The following CPEB1 variants were observed in gnomAD, a reference collection of about 807,000 sequenced individuals.
The protein encoded by CPEB1 is cytoplasmic polyadenylation element-binding protein 1.
Under a neutral mutation model 65.8 loss-of-function variants are expected in CPEB1, and 7 were observed. The observed-to-expected ratio is 0.11, with a 90% CI of 0.06 to 0.20. CPEB1 has a LOEUF of 0.20. Among genes scored for constraint, CPEB1 ranks in the 10% least tolerant of loss-of-function variants. The pLI is 1.00. For synonymous variants in CPEB1, 262 were observed against 260.0 expected (o/e 1.01, Z -0.08); for missense variants, 551 against 712.2 (o/e 0.77, Z 2.58).
rs964516671 is a variant in CPEB1 at position 82,552,414 on chromosome 15, A to G, written c.1281+66T>C. 6.1e-6 allele frequency: 9 copies of G among 1,471,778 alleles called. No individual in the cohort carries two copies. The Admixed American group carries it at 2.0e-4, about 33-fold the overall frequency. 91.2% of individuals were successfully genotyped at this position (1,471,778 alleles called of 1,614,324 possible). On this transcript the variant is annotated intron_variant, in intron 9 of 12. Coordinates refer to ENST00000684509, the MANE Select transcript of CPEB1 (RefSeq NM_001365242.1). Reference sequence around the variant, plus strand: ...CCTGCAGCCTGCCTATCCACCTACCACAAGAAAATCCAGTGCCTCAATATT... The same window carrying G: ...CCTGCAGCCTGCCTATCCACCTACCGCAAGAAAATCCAGTGCCTCAATATT...
chr15:82,600,432 C>T (rs889825527), intron 3 of CPEB1, among the ~76,000 whole-genome samples: 14 of 151,792 alleles, frequency 9.2e-5, no homozygotes, highest in Admixed American at 8.5e-4. Flanking sequence ...AAAGTGAACC[C>T]ACATGGAAGA....
At chr15:82,603,095 C>A (rs2043261689) in intron 3 of CPEB1, among the ~76,000 whole-genome samples, 1 of 151,928 alleles carries the variant, frequency 6.6e-6, no homozygotes, top group Non-Finnish European at 1.5e-5. Flanking sequence ...TCTTTGTGGC[C>A]TTTTAATTTG....
chr15:82,593,924 T>TTAA (rs1567208081), intron 3 of CPEB1, among the ~76,000 whole-genome samples: 1 of 152,182 alleles, frequency 6.6e-6, no homozygotes, highest in Non-Finnish European at 1.5e-5. Flanking sequence ...ACAGTGGGCT[T>TTAA]TAAACATTCA....
chr15:82,641,264 T>C (rs1292924363), intron 1 of CPEB1, among the ~76,000 whole-genome samples: 2 of 151,450 alleles, frequency 1.3e-5, no homozygotes, highest in East Asian at 1.9e-4. Flanking sequence ...ACAAAAAGCC[T>C]CAGGAGAAAG....
chr15:82,617,404 G>C (rs1195453313), intron 3 of CPEB1, among the ~76,000 whole-genome samples: 1 of 152,150 alleles, frequency 6.6e-6, no homozygotes, highest in Admixed American at 6.5e-5. Context: ...TCTCTTGAGT[G>C]TGACCAACAC....
At chr15:82,629,518 A>G (rs1174951692) in intron 1 of CPEB1, 1 of 985,298 alleles carries the variant, frequency 1.0e-6, no homozygotes, top group Non-Finnish European at 1.2e-6. Context: ...TATCTCGGTA[A>G]ATAACACCAC....
At chr15:82,565,647 G>A (rs1262801365) in intron 4 of CPEB1, among the ~76,000 whole-genome samples, 1 of 152,166 alleles carries the variant, frequency 6.6e-6, no homozygotes, top group Non-Finnish European at 1.5e-5. Context: ...CAAATGTCAA[G>A]TATTAACCTA....
At chr15:82,630,280 A>G in intron 1 of CPEB1, 1 of 169,922 alleles carries the variant, frequency 5.9e-6, no homozygotes. Flanking sequence ...TTCACTGCCT[A>G]ATAAACATTA....
intron 3 of CPEB1, among the ~76,000 whole-genome samples, chr15:82,581,378 T>C (rs2041266563): frequency 6.6e-6 from 1 of 152,246 alleles, no homozygotes; most frequent in African/African-American, 2.4e-5. Context: ...TTTCTACCTT[T>C]TGACTATTGT....
intron 7 of CPEB1, 55 bp from the exon 8 acceptor site, chr15:82,553,611 A>G: frequency 7.7e-7 from 1 of 1,293,374 alleles, no homozygotes; most frequent in Non-Finnish European, 1.1e-6. Context: ...TTCCCAGTAA[A>G]GACACAAACA....
chr15:82,627,585 T>C (rs2045879493), intron 2 of CPEB1, among the ~76,000 whole-genome samples: 1 of 152,126 alleles, frequency 6.6e-6, no homozygotes, highest in African/African-American at 2.4e-5. Context: ...CCACAAAGGA[T>C]ACTATTAAGG....
intron 4 of CPEB1, among the ~76,000 whole-genome samples, chr15:82,560,924 T>C (rs1170552625): frequency 6.6e-6 from 1 of 152,282 alleles, no homozygotes; most frequent in African/African-American, 2.4e-5. Flanking sequence ...CAAGGGGGTA[T>C]GAAGGAATAA....
At chr15:82,591,606 C>A (rs758651206) in intron 3 of CPEB1, among the ~76,000 whole-genome samples, 4 of 152,032 alleles carry the variant, frequency 2.6e-5, no homozygotes, top group Non-Finnish European at 5.9e-5. Flanking sequence ...AAGCTTTTTT[C>A]ATATGCTTGT....
intron 3 of CPEB1, among the ~76,000 whole-genome samples, chr15:82,617,885 C>A (rs1158023781): frequency 6.6e-6 from 1 of 150,848 alleles, no homozygotes. Context: ...AGGCGCCCGC[C>A]ACTACGCCCG....
intron 6 of CPEB1, 131 bp from the exon 7 acceptor site, chr15:82,554,122 C>A: frequency 1.8e-6 from 1 of 562,450 alleles, no homozygotes; most frequent in Non-Finnish European, 3.1e-6. Context: ...GAGAGAATAT[C>A]CATGATTATT....
chr15:82,577,250 A>G (rs1181039803), intron 3 of CPEB1, among the ~76,000 whole-genome samples: 1 of 152,156 alleles, frequency 6.6e-6, no homozygotes, highest in Non-Finnish European at 1.5e-5. Context: ...GTAGAGACAG[A>G]GTCTCACTAT....
chr15:82,596,626 A>C (rs1039203304), intron 3 of CPEB1, among the ~76,000 whole-genome samples: 5 of 147,968 alleles, frequency 3.4e-5, no homozygotes, highest in African/African-American at 1.2e-4. Flanking sequence ...TGAACCCCGG[A>C]GGCAGAGGTT....
intron 1 of CPEB1, among the ~76,000 whole-genome samples, chr15:82,645,875 A>G (rs1316168831): frequency 6.7e-6 from 1 of 149,356 alleles, no homozygotes; most frequent in East Asian, 1.9e-4. Flanking sequence ...CTCAAAATAA[A>G]TAAATAAATA....
intron 3 of CPEB1, among the ~76,000 whole-genome samples, chr15:82,612,046 TA>T (rs61260873): frequency 2.0e-5 from 3 of 148,756 alleles, no homozygotes; most frequent in Non-Finnish European, 1.5e-5. Flanking sequence ...CTGTCTCCAC[TA>T]AAAAAAAATA....
Sources: gnomAD v4.1 joint callset for allele counts (sites outside exome capture counted in the v4.1 genomes callset) on GRCh38, gnomAD v4.1.1 for gene constraint, MANE v1.5 for transcripts, NCBI Gene and HGNC (gene_info 2026-07-23, HGNC 2026-07-21) for gene names.